Variants in ROR1 observed in about 807,000 individuals in gnomAD.
ROR1 encodes inactive tyrosine-protein kinase transmembrane receptor ROR1.
In ROR1, 19 loss-of-function variants were observed where a neutral mutation model predicts 78.8. The observed-to-expected ratio is 0.24, with a 90% confidence interval of 0.17 to 0.35. The LOEUF (loss-of-function observed/expected upper bound fraction) is 0.35. Ranked by LOEUF, ROR1 falls within the 10% of genes least tolerant of loss-of-function variation. ROR1 has a pLI of 1.00. For synonymous variants in ROR1, 386 were observed against 433.6 expected, an observed-to-expected ratio of 0.89 and a Z score of 1.36; for missense variants, 917 against 1,177.8, an observed-to-expected ratio of 0.78 and a Z score of 3.24.
chr1:64,141,293 G>A (rs1009460964), intron 6 of ROR1, among the ~76,000 whole-genome samples: 21 of 152,186 alleles, frequency 1.4e-4, no homozygotes, highest in Admixed American at 1.1e-3. Context: ...AGGCTGTACA[G>A]GGAGTATAGC....
At chr1:63,837,705 C>T (rs1304593129) in intron 1 of ROR1, among the ~76,000 whole-genome samples, 1 of 152,132 alleles carries the variant, frequency 6.6e-6, no homozygotes, top group African/African-American at 2.4e-5. Context: ...CCTGTAGTCC[C>T]AGCTACTTGG....
At chr1:63,823,882 A>T (rs1012889672) in intron 1 of ROR1, among the ~76,000 whole-genome samples, 1 of 151,448 alleles carries the variant, frequency 6.6e-6, no homozygotes, top group African/African-American at 2.4e-5. Flanking sequence ...CTAGTAGCTG[A>T]GATTACAGGC....
chr1:64,161,577 C>CAA (rs113373980), intron 8 of ROR1, among the ~76,000 whole-genome samples: 50,140 of 152,018 alleles, frequency 0.33, 8,670 homozygotes, highest in Middle Eastern at 0.42. Flanking sequence ...CCTTCATGGT[C>CAA]AGAGACAAAT....
intron 1 of ROR1, among the ~76,000 whole-genome samples, chr1:63,869,241 A>G (rs1645236100): frequency 6.6e-6 from 1 of 152,216 alleles, no homozygotes; most frequent in African/African-American, 2.4e-5. Context: ...CTCGACAATG[A>G]TTATGGCAGT....
intron 1 of ROR1, among the ~76,000 whole-genome samples, chr1:63,934,952 T>C (rs1485994259): frequency 6.6e-6 from 1 of 152,150 alleles, no homozygotes; most frequent in African/African-American, 2.4e-5. Context: ...TTATCATGCT[T>C]CTTTTACATT....
intron 1 of ROR1, among the ~76,000 whole-genome samples, chr1:63,955,141 G>A (rs544653648): frequency 1.3e-5 from 2 of 152,268 alleles, no homozygotes; most frequent in Non-Finnish European, 2.9e-5. Flanking sequence ...GGCTAGAGAG[G>A]TTTGGCAAAC....
At chr1:64,144,110 G>A (rs1240723770) in intron 7 of ROR1, among the ~76,000 whole-genome samples, 1 of 152,162 alleles carries the variant, frequency 6.6e-6, no homozygotes, top group African/African-American at 2.4e-5. Context: ...GACAAGAGGA[G>A]TCACTGATGG....
At chr1:63,977,132 A>G (rs1170263807) in intron 1 of ROR1, among the ~76,000 whole-genome samples, 1 of 152,222 alleles carries the variant, frequency 6.6e-6, no homozygotes, top group African/African-American at 2.4e-5. Context: ...TCACGAGAAC[A>G]GCATGGAGGT....
intron 1 of ROR1, among the ~76,000 whole-genome samples, chr1:63,809,559 G>A (rs1246214565): frequency 2.6e-5 from 4 of 152,334 alleles, no homozygotes; most frequent in South Asian, 2.1e-4. Flanking sequence ...TAGAGTTGAA[G>A]CATTGTCCTT....
chr1:64,015,552 G>A (rs1200874234), intron 2 of ROR1, among the ~76,000 whole-genome samples: 2 of 152,152 alleles, frequency 1.3e-5, no homozygotes, highest in Non-Finnish European at 2.9e-5. Flanking sequence ...GGTATTGACT[G>A]GCCTATAGCT....
chr1:63,831,888 A>T (rs1166652360), intron 1 of ROR1, among the ~76,000 whole-genome samples: 3 of 152,208 alleles, frequency 2.0e-5, no homozygotes, highest in Non-Finnish European at 4.4e-5. Context: ...GTGAATGTCT[A>T]TGACTGTATG....
At chr1:63,863,543 C>T (rs370475239) in intron 1 of ROR1, among the ~76,000 whole-genome samples, 2 of 152,078 alleles carry the variant, frequency 1.3e-5, no homozygotes, top group Admixed American at 6.5e-5. Context: ...ATCTATGGGT[C>T]TGTGATAATG....
rs372345534 is a variant in ROR1 at position 63,837,280 on chromosome 1, A to C, written c.91+62772A>C. ...AATTGTATTCTTTTAAAAAATATGC[A>C]TACTATTATTCTTTTTCAGATTGTG... On this transcript the variant is annotated intron_variant, in intron 1 of 8. Coordinates refer to ENST00000371079, the MANE Select transcript of ROR1 (RefSeq NM_005012.4). Among the ~76,000 whole-genome samples, 26 of 152,322 alleles carry C rather than the reference A, an allele frequency of 1.7e-4. 1 individual carries two copies. Among genetic ancestry groups the C allele is most frequent in the Admixed American group, 1.0e-3 (16 of 15,306 alleles).
rs1368926976 is a variant in ROR1, at chr1:63,883,384, A to ATTT, written c.91+108876_91+108877insTTT. ...CCTTTCTATCCCTCATCTGGACTTTACTTGTAATCTTAAAAGTCCTCTCTC... is the reference window on the plus strand; with the variant it reads ...CCTTTCTATCCCTCATCTGGACTTTATTTCTTGTAATCTTAAAAGTCCTCTCTC... On this transcript the variant is annotated intron_variant, in intron 1 of 8. Transcript: ENST00000371079. 3.7e-4 allele frequency among the ~76,000 whole-genome samples: 7 copies of ATTT among 19,158 alleles called. No individual in the cohort carries two copies. The East Asian group carries it at 0.15, about 402-fold the overall frequency. 12.6% of individuals were successfully genotyped at this position (19,158 alleles called of 152,430 possible).
intron 4 of ROR1, among the ~76,000 whole-genome samples, chr1:64,099,529 A>G (rs1647435561): frequency 6.6e-6 from 1 of 152,222 alleles, no homozygotes; most frequent in Non-Finnish European, 1.5e-5. Flanking sequence ...TTTGTGTTCC[A>G]AATGGAAACT....
intron 4 of ROR1, among the ~76,000 whole-genome samples, chr1:64,126,531 T>C (rs1466484864): frequency 6.6e-6 from 1 of 152,138 alleles, no homozygotes; most frequent in Non-Finnish European, 1.5e-5. Context: ...AGAGTAACCA[T>C]AAAAGGTTAG....
At chr1:64,002,687 G>A (rs373561939) in intron 1 of ROR1, among the ~76,000 whole-genome samples, 1 of 152,040 alleles carries the variant, frequency 6.6e-6, no homozygotes. Context: ...TTTTAAAAAA[G>A]GAACAGCATC....
chr1:64,072,699 G>A (rs955646653), intron 4 of ROR1, among the ~76,000 whole-genome samples: 15 of 152,138 alleles, frequency 9.9e-5, no homozygotes, highest in African/African-American at 3.1e-4. Flanking sequence ...GGGAGAGCCG[G>A]GGTTATCTGT....
intron 1 of ROR1, among the ~76,000 whole-genome samples, chr1:63,814,752 A>G (rs2100274636): frequency 1.3e-5 from 2 of 152,236 alleles, no homozygotes; most frequent in South Asian, 4.1e-4. Context: ...CTCAGGCGGT[A>G]ATGCAAGTGA....
Sources: allele counts gnomAD v4.1 joint callset (sites outside exome capture counted in the v4.1 genomes callset), GRCh38; gene constraint gnomAD v4.1.1; transcripts MANE v1.5; gene names NCBI Gene and HGNC (gene_info 2026-07-23, HGNC 2026-07-21).